The following SPIRE1 variants were observed in gnomAD, a reference collection of about 807,000 sequenced individuals.
SPIRE1 encodes the protein spire type actin nucleation factor 1.
In SPIRE1, 40 loss-of-function variants were observed where a neutral mutation model predicts 94.1. That is an observed-to-expected ratio of 0.43 (90% CI 0.33 to 0.55). The LOEUF (loss-of-function observed/expected upper bound fraction) is 0.55, where lower values mean the gene tolerates loss of function less well. Among genes scored for constraint, SPIRE1 ranks in the 20% least tolerant of loss-of-function variants. The pLI, the probability that SPIRE1 is intolerant of heterozygous loss-of-function variation, is 0.06. For synonymous variants in SPIRE1, 376 were observed against 371.7 expected (o/e 1.01, Z -0.13); for missense variants, 838 against 975.2 (o/e 0.86, Z 1.87).
chr18:12,651,282 T>G (rs1317140549), intron 1 of SPIRE1, among the ~76,000 whole-genome samples: 1 of 152,154 alleles, frequency 6.6e-6, no homozygotes, highest in South Asian at 2.1e-4. Context: ...CCCCACTACC[T>G]ACTCTGGAAA....
At chr18:12,614,532 T>G (rs970963329) in intron 2 of SPIRE1, among the ~76,000 whole-genome samples, 1 of 152,174 alleles carries the variant, frequency 6.6e-6, no homozygotes, top group Middle Eastern at 3.4e-3. Flanking sequence ...AACCAGAAAC[T>G]AAGCGGGAAG....
At chr18:12,492,569 A>G (rs1453585358) in intron 8 of SPIRE1, among the ~76,000 whole-genome samples, 4 of 152,240 alleles carry the variant, frequency 2.6e-5, no homozygotes, top group Non-Finnish European at 5.9e-5. Context: ...ATAAACAAAC[A>G]TAAGGTAAAA....
chr18:12,481,297 G>A (rs1048720210), intron 9 of SPIRE1, among the ~76,000 whole-genome samples: 1 of 136,938 alleles, frequency 7.3e-6, no homozygotes, highest in African/African-American at 2.8e-5. Flanking sequence ...CCGCAAGAAT[G>A]TGCTGTTTAC....
At chr18:12,626,051 C>CCCA (rs1555633944) in intron 2 of SPIRE1, among the ~76,000 whole-genome samples, 8 of 134,732 alleles carry the variant, frequency 5.9e-5, no homozygotes, top group African/African-American at 1.9e-4. Context: ...CGCCCCCCCC[C>CCCA]AAAAAAAGGA....
At chr18:12,556,172 G>A (rs961855037) in intron 2 of SPIRE1, among the ~76,000 whole-genome samples, 1 of 151,988 alleles carries the variant, frequency 6.6e-6, no homozygotes, top group Non-Finnish European at 1.5e-5. Context: ...CACAAAAAAT[G>A]GAAAGATAGT....
In SPIRE1 at chr18:12,502,308, A is replaced by C. The variant is rs116048989; in HGVS notation, c.972+4169T>G. 2.7e-3 allele frequency among the ~76,000 whole-genome samples: 407 copies of C among 152,380 alleles called. 2 individuals carry two copies. Among genetic ancestry groups the C allele is most frequent in the African/African-American group, 9.3e-3 (386 of 41,598 alleles). On this transcript the variant is annotated intron_variant, in intron 6 of 16. Coordinates refer to ENST00000409402, the MANE Select transcript of SPIRE1 (RefSeq NM_001128626.2). ...AAGATTTAGCAATATCAAAGATGACAGTTAAAATACATTAATGATAAATCA... is the reference window on the plus strand; with the variant it reads ...AAGATTTAGCAATATCAAAGATGACCGTTAAAATACATTAATGATAAATCA...
intron 1 of SPIRE1, among the ~76,000 whole-genome samples, chr18:12,648,165 G>C (rs528415704): frequency 6.6e-6 from 1 of 152,136 alleles, no homozygotes; most frequent in African/African-American, 2.4e-5. Flanking sequence ...AGATATTCAC[G>C]TCTCCAGGAG....
At chr18:12,495,050 A>C (rs781080554) in intron 7 of SPIRE1, among the ~76,000 whole-genome samples, 444 of 81,744 alleles carry the variant, frequency 5.4e-3, no homozygotes, top group Non-Finnish European at 9.6e-3. Flanking sequence ...ACTCTGTCTC[A>C]AAAAAAAAAA....
chr18:12,457,894 G>A (rs1295426730), intron 12 of SPIRE1, among the ~76,000 whole-genome samples: 1 of 149,698 alleles, frequency 6.7e-6, no homozygotes, highest in Non-Finnish European at 1.5e-5. Context: ...GCCCAGGCTG[G>A]AGTGCAGTGG....
At chr18:12,646,071 C>T (rs1262088981) in intron 1 of SPIRE1, among the ~76,000 whole-genome samples, 1 of 152,288 alleles carries the variant, frequency 6.6e-6, no homozygotes, top group African/African-American at 2.4e-5. Context: ...CAGTTATATG[C>T]TTTTGGCATG....
intron 2 of SPIRE1, among the ~76,000 whole-genome samples, chr18:12,634,693 GA>G (rs1037975871): frequency 1.3e-5 from 2 of 152,032 alleles, no homozygotes; most frequent in Non-Finnish European, 2.9e-5. Context: ...CCAGCACTTT[GA>G]AAGGCCAAGG....
chr18:12,483,290 A>G (rs964090910), intron 9 of SPIRE1, among the ~76,000 whole-genome samples: 1 of 151,938 alleles, frequency 6.6e-6, no homozygotes, highest in African/African-American at 2.4e-5. Flanking sequence ...GATCACTTAT[A>G]GTTTTCTGTT....
chr18:12,610,397 C>G (rs1229136491), intron 2 of SPIRE1, among the ~76,000 whole-genome samples: 1 of 152,112 alleles, frequency 6.6e-6, no homozygotes, highest in African/African-American at 2.4e-5. Flanking sequence ...TCAGGCCCTA[C>G]CATCCATTGA....
chr18:12,546,691 A>T lies in SPIRE1; in HGVS notation c.586T>A (p.Tyr196Asn). Residue 196 changes from tyrosine to asparagine, a missense_variant, in exon 3 of 17, where the codon TAT becomes AAT. Around this residue, in one of 2 missense-constraint regions of SPIRE1, gnomAD observed 645 missense variants for 804.7 expected, o/e 0.80. Coordinates refer to ENST00000409402, the MANE Select transcript of SPIRE1 (RefSeq NM_001128626.2). ...EKRKISAIRS[Y>N]RDVMKLCAAH... is the part of the protein sequence containing the mutation. ...TGCCTTACCTTCATGACATCTCTAT[A>T]TGACCGAATAGCTGAGATTTTTCTC... 6.2e-7 allele frequency: 1 copy of T among 1,613,796 alleles called. No individual in the cohort carries two copies. Among genetic ancestry groups the T allele is most frequent in the Non-Finnish European group, 8.5e-7 (1 of 1,179,692 alleles).
At position 12,503,607 on chromosome 18, in the gene SPIRE1, G is replaced by T. The variant is rs574727422; in HGVS notation, c.972+2870C>A. 2.3e-3 allele frequency among the ~76,000 whole-genome samples: 353 copies of T among 152,060 alleles called. 2 individuals carry two copies. Among genetic ancestry groups the T allele is most frequent in the South Asian group, 0.015 (70 of 4,812 alleles). Reference sequence around the variant, plus strand: ...GCTGCTTGATCTTTGGATATGTTGGGTTTTTTTCCCCCTACTTAGCTGCTT... The same window carrying T: ...GCTGCTTGATCTTTGGATATGTTGGTTTTTTTTCCCCCTACTTAGCTGCTT... On this transcript the variant is annotated intron_variant, in intron 6 of 16. Coordinates refer to ENST00000409402, the MANE Select transcript of SPIRE1 (RefSeq NM_001128626.2).
At chr18:12,554,454 C>T (rs1008436224) in intron 2 of SPIRE1, among the ~76,000 whole-genome samples, 1 of 152,020 alleles carries the variant, frequency 6.6e-6, no homozygotes, top group Non-Finnish European at 1.5e-5. Flanking sequence ...TGAAGAAATC[C>T]AAAACCTGAA....
intron 10 of SPIRE1, among the ~76,000 whole-genome samples, chr18:12,468,229 A>C (rs2032202317): frequency 6.6e-6 from 1 of 152,230 alleles, no homozygotes; most frequent in Non-Finnish European, 1.5e-5. Flanking sequence ...TTCTAAAGAA[A>C]ACTGAAAACA....
intron 8 of SPIRE1, among the ~76,000 whole-genome samples, chr18:12,486,904 G>C (rs2033059724): frequency 6.6e-6 from 1 of 152,126 alleles, no homozygotes; most frequent in South Asian, 2.1e-4. Flanking sequence ...CAAGGCTGGA[G>C]GGCAGTGGTG....
Position 12,464,916 on chromosome 18 carries a change from G to A in SPIRE1, c.1447C>T (p.Pro483Ser). The change falls in exon 11 of 17, where the codon CCC (proline) becomes TCC (serine). Residue 483 changes from proline to serine, a missense_variant. This residue lies in a region of SPIRE1 where 645 missense variants were observed against 804.7 expected (regional missense o/e 0.80). Transcript: ENST00000409402. The stretch of plus-strand genomic sequence containing the variant: ...AGGACTGGCTCTTCAGGGAAAGAGG[G>A]AGACACGCTGCTGCTGCTGGTCGAC... ...HKSTSSSSVS[P>S]SFPEEPVLEA... 6.2e-7 allele frequency: 1 copy of A among 1,614,060 alleles called. No homozygotes were observed. Among genetic ancestry groups the A allele is most frequent in the Non-Finnish European group, 8.5e-7 (1 of 1,179,986 alleles).
Sources: gnomAD v4.1 joint callset for allele counts (sites outside exome capture counted in the v4.1 genomes callset) on GRCh38, gnomAD v4.1.1 for gene constraint, gnomAD v4.1.1 regional missense constraint, MANE v1.5 for transcripts, NCBI Gene and HGNC (gene_info 2026-07-23, HGNC 2026-07-21) for gene names.